Variants in ABAT observed in about 807,000 individuals in gnomAD.
ABAT encodes the protein 4-aminobutyrate aminotransferase, mitochondrial.
ABAT carries 45 observed loss-of-function variants against 64.6 expected under a neutral mutation model. The observed-to-expected ratio is 0.70, with a 90% CI of 0.55 to 0.89. The LOEUF (loss-of-function observed/expected upper bound fraction) is 0.89, where lower values mean the gene tolerates loss of function less well. Ranked by LOEUF, ABAT falls within the 40% of genes least tolerant of loss-of-function variation. The pLI, the probability that ABAT is intolerant of heterozygous loss-of-function variation, is 0.00. For missense variants in ABAT, 633 were observed against 658.4 expected (o/e 0.96, Z 0.42); for synonymous variants, 297 against 250.5 (o/e 1.19, Z -1.75).
chr16:8,735,714 AG>A lies in ABAT; in HGVS notation c.-23del. The A allele has an allele frequency of 6.3e-7, 1 of 1,581,546 alleles. No homozygotes were observed. On this transcript the variant is annotated 5_prime_UTR_variant, in exon 2 of 16. Transcript: ENST00000268251. ...TTTCTTTCAGGGTGGCAGCACGCAAAGGGTGTCCCTGTCCCTCAAGGGGTCA... is the reference window on the plus strand; with the variant it reads ...TTTCTTTCAGGGTGGCAGCACGCAAAGGTGTCCCTGTCCCTCAAGGGGTCA...
chr16:8,744,225 G>A (rs1252172666), intron 2 of ABAT, among the ~76,000 whole-genome samples: 2 of 152,134 alleles, frequency 1.3e-5, no homozygotes, highest in East Asian at 3.9e-4. Flanking sequence ...TGGTTCTGCA[G>A]GCTTTACAGG....
chr16:8,685,522 A>T (rs2057434748), intron 1 of ABAT, among the ~76,000 whole-genome samples: 1 of 151,720 alleles, frequency 6.6e-6, no homozygotes, highest in Non-Finnish European at 1.5e-5. Context: ...ATACAAAAAA[A>T]AAAATTAGCC....
At chr16:8,711,772 A>AAGATGGATGGG (rs1567279793) in intron 1 of ABAT, among the ~76,000 whole-genome samples, 1 of 122,736 alleles carries the variant, frequency 8.1e-6, no homozygotes. Context: ...AGATGGATGG[A>AAGATGGATGGG]TGGATGGATG....
chr16:8,757,955 T>C (rs770840819), intron 6 of ABAT, 149 bp downstream of exon 6: 11 of 948,852 alleles, frequency 1.2e-5, no homozygotes, highest in Non-Finnish European at 1.8e-5. Context: ...GTATGTGGCA[T>C]GCCTTGATGA....
At chr16:8,675,538 C>G (rs2057178291) in intron 1 of ABAT, among the ~76,000 whole-genome samples, 1 of 152,158 alleles carries the variant, frequency 6.6e-6, no homozygotes, top group South Asian at 2.1e-4. Flanking sequence ...CCACCTCACC[C>G]CAACTCCACT....
In ABAT at chr16:8,776,566, T is replaced by G. The variant is rs1396169599; in HGVS notation, c.1269+76T>G. 2.1e-5 allele frequency: 30 copies of G among 1,427,844 alleles called. No homozygotes were observed. The highest frequency in any genetic ancestry group is 2.6e-5 in the Non-Finnish European group (27 of 1,043,040). 88.4% of individuals were successfully genotyped at this position (1,427,844 alleles called of 1,614,324 possible). Reference sequence around the variant, plus strand: ...AGCCTCCGGGGCAACACTGGAGCTCTTCGGCATGGTGTTGTGCCTGCTGTT... The same window carrying G: ...AGCCTCCGGGGCAACACTGGAGCTCGTCGGCATGGTGTTGTGCCTGCTGTT... On this transcript the variant is annotated intron_variant, in intron 14 of 15. Transcript: ENST00000268251. The surrounding 1 kb of genome is among the most constrained non-coding windows in gnomAD (Gnocchi z 4.4).
At chr16:8,779,641 G>A (rs948486450) in intron 15 of ABAT, 51 bp downstream of exon 15, 1 of 1,444,930 alleles carries the variant, frequency 6.9e-7, no homozygotes, top group Non-Finnish European at 9.7e-7. Flanking sequence ...AGTATCTCCT[G>A]CTGTAGCTGC....
At chr16:8,696,055 G>A (rs1358150752) in intron 1 of ABAT, among the ~76,000 whole-genome samples, 1 of 152,204 alleles carries the variant, frequency 6.6e-6, no homozygotes, top group Non-Finnish European at 1.5e-5. Flanking sequence ...CTTAGTTATT[G>A]AGCCAAAATC....
At chr16:8,741,880 G>A (rs1245786312) in intron 2 of ABAT, among the ~76,000 whole-genome samples, 2 of 152,170 alleles carry the variant, frequency 1.3e-5, no homozygotes, top group Non-Finnish European at 2.9e-5. Flanking sequence ...ACTGTAAACT[G>A]TGAACAACAA....
At chr16:8,761,357 C>A (rs2059793195) in intron 6 of ABAT, among the ~76,000 whole-genome samples, 1 of 152,200 alleles carries the variant, frequency 6.6e-6, no homozygotes, top group Admixed American at 6.5e-5. Context: ...CGTGTGGAAC[C>A]CTTCCCTGGT....
intron 1 of ABAT, among the ~76,000 whole-genome samples, chr16:8,690,178 A>G (rs904344949): frequency 6.6e-6 from 1 of 152,166 alleles, no homozygotes; most frequent in African/African-American, 2.4e-5. Context: ...CAGTCAGCCC[A>G]GGTTCTGGCA....
rs763244281 is a variant in ABAT at position 8,717,028 on chromosome 16, G to A, written c.-41-18671G>A. ...TTGATGGCCGGGCACGGTAGCTCGCGTCTGTAATCCCAGCACTTTGGGAGG... is the reference window on the plus strand; with the variant it reads ...TTGATGGCCGGGCACGGTAGCTCGCATCTGTAATCCCAGCACTTTGGGAGG... On this transcript the variant is annotated intron_variant, in intron 1 of 15. Transcript: ENST00000268251. 3.9e-5 allele frequency among the ~76,000 whole-genome samples: 6 copies of A among 152,176 alleles called. No individual in the cohort carries two copies. In the South Asian group the frequency reaches 1.0e-3, roughly 26 times the overall value.
chr16:8,690,154 A>G (rs1020105902), intron 1 of ABAT, among the ~76,000 whole-genome samples: 4 of 152,176 alleles, frequency 2.6e-5, no homozygotes, highest in Non-Finnish European at 5.9e-5. Flanking sequence ...AGTGGAAGCA[A>G]CAGTTTTACT....
chr16:8,717,487 A>G (rs1474897740), intron 1 of ABAT, among the ~76,000 whole-genome samples: 2 of 152,198 alleles, frequency 1.3e-5, no homozygotes, highest in Non-Finnish European at 2.9e-5. Flanking sequence ...GTACTGTCTT[A>G]GAGCATACTA....
At chr16:8,780,799 C>A in intron 15 of ABAT, 1 of 172,826 alleles carries the variant, frequency 5.8e-6, no homozygotes. Flanking sequence ...ACAACCTCGA[C>A]AAGGAAAGGA....
intron 6 of ABAT, among the ~76,000 whole-genome samples, chr16:8,758,404 A>C (rs1403179886): frequency 1.3e-5 from 2 of 152,174 alleles, no homozygotes; most frequent in East Asian, 3.9e-4. Flanking sequence ...AGTCGGGAGG[A>C]ATGGTCTCAG....
At chr16:8,775,350 G>T (rs906936935) in intron 13 of ABAT, among the ~76,000 whole-genome samples, 2 of 152,150 alleles carry the variant, frequency 1.3e-5, no homozygotes, top group African/African-American at 4.8e-5. Flanking sequence ...TATGTGCCTA[G>T]TTCTAAGTAT....
In ABAT at chr16:8,764,171, C is replaced by G; in HGVS notation, c.447+22C>G. 6.2e-7 allele frequency: 1 copy of G among 1,601,282 alleles called. No homozygotes were observed. Among genetic ancestry groups the G allele is most frequent in the Non-Finnish European group, 8.5e-7 (1 of 1,169,660 alleles). ...CTCGGTGAGTTCTGGAGAAGCAATC[C>G]CATTGTCTTCAGACGTGGTACTGGC... On this transcript the variant is annotated intron_variant, in intron 7 of 15. Transcript: ENST00000268251. This position sits in a 1 kb window ranked among gnomAD's most constrained non-coding sequence, Gnocchi z 4.2.
chr16:8,727,445 G>A (rs541798792), intron 1 of ABAT, among the ~76,000 whole-genome samples: 128 of 152,004 alleles, frequency 8.4e-4, no homozygotes, highest in Non-Finnish European at 1.6e-3. Flanking sequence ...TTCTGAAATC[G>A]CCTAACTTTT....
Sources: allele counts gnomAD v4.1 joint callset (sites outside exome capture counted in the v4.1 genomes callset), GRCh38; gene constraint gnomAD v4.1.1; non-coding constraint Gnocchi (gnomAD v3.1); transcripts MANE v1.5; gene names NCBI Gene and HGNC (gene_info 2026-07-23, HGNC 2026-07-21).